The following MACROH2A1 variants were observed in gnomAD, a reference collection of about 807,000 sequenced individuals.
MACROH2A1 encodes core histone macro-H2A.1.
In MACROH2A1, 2 loss-of-function variants were observed where a neutral mutation model predicts 31.6. The observed-to-expected ratio is 0.06, with a 90% CI of 0.03 to 0.20. MACROH2A1 has a LOEUF of 0.20. Among genes scored for constraint, MACROH2A1 ranks in the 10% least tolerant of loss-of-function variants. The probability of loss-of-function intolerance (pLI) is 1.00; values close to 1 mark genes in which losing one functional copy is unlikely to be tolerated. For missense variants in MACROH2A1, 230 were observed against 474.0 expected, an observed-to-expected ratio of 0.49 and a Z score of 4.78; for synonymous variants, 169 against 189.6, an observed-to-expected ratio of 0.89 and a Z score of 0.89.
intron 4 of MACROH2A1, among the ~76,000 whole-genome samples, chr5:135,363,395 C>T (rs908021652): frequency 3.3e-5 from 5 of 152,186 alleles, no homozygotes; most frequent in Admixed American, 2.0e-4. Flanking sequence ...TGCTTAAGGT[C>T]GTTACAGTTG....
At chr5:135,375,603 C>A (rs911334539) in intron 2 of MACROH2A1, among the ~76,000 whole-genome samples, 2 of 152,154 alleles carry the variant, frequency 1.3e-5, no homozygotes, top group African/African-American at 4.8e-5. Flanking sequence ...TGAGGCTGAG[C>A]CAAACTCTAA....
At chr5:135,346,131 G>A (rs186820117) in intron 6 of MACROH2A1, 74 bp from the exon 7 acceptor site, 2 of 857,534 alleles carry the variant, frequency 2.3e-6, no homozygotes, top group Non-Finnish European at 4.1e-6. Context: ...CATGTCAGGT[G>A]ATTACATACT....
intron 4 of MACROH2A1, among the ~76,000 whole-genome samples, chr5:135,366,369 A>C (rs1421488428): frequency 6.6e-6 from 1 of 152,186 alleles, no homozygotes; most frequent in Non-Finnish European, 1.5e-5. Flanking sequence ...CAGTGAACAC[A>C]GGTGCCAGAC....
At chr5:135,383,334 G>A (rs999494717) in intron 2 of MACROH2A1, among the ~76,000 whole-genome samples, 5 of 152,306 alleles carry the variant, frequency 3.3e-5, no homozygotes, top group Admixed American at 6.5e-5. Flanking sequence ...CATCAATAGC[G>A]TATGTTAATA....
intron 5 of MACROH2A1, chr5:135,354,965 C>CT (rs1322286653): frequency 4.8e-6 from 2 of 413,654 alleles, no homozygotes; most frequent in African/African-American, 4.1e-5. Flanking sequence ...GATGTGTATG[C>CT]TTTTAAGGCA....
chr5:135,365,385 T>G (rs1763373364), intron 4 of MACROH2A1, among the ~76,000 whole-genome samples: 1 of 152,166 alleles, frequency 6.6e-6, no homozygotes, highest in South Asian at 2.1e-4. Context: ...AATACCTTAC[T>G]CTGCTGGGGC....
chr5:135,394,565 T>A (rs1443889824), intron 1 of MACROH2A1, among the ~76,000 whole-genome samples: 1 of 152,208 alleles, frequency 6.6e-6, no homozygotes, highest in East Asian at 1.9e-4. Flanking sequence ...TCCCTCAGGC[T>A]GCCCCTATTC....
chr5:135,375,255 G>A (rs1410139651), intron 2 of MACROH2A1, among the ~76,000 whole-genome samples: 1 of 152,160 alleles, frequency 6.6e-6, no homozygotes, highest in African/African-American at 2.4e-5. Context: ...CCTCTCCTCA[G>A]AGCTGCAAGC....
At chr5:135,351,845 G>A (rs1157857409) in intron 6 of MACROH2A1, among the ~76,000 whole-genome samples, 2 of 151,652 alleles carry the variant, frequency 1.3e-5, no homozygotes, top group Admixed American at 6.6e-5. Flanking sequence ...TTACAGGTGT[G>A]AGCCACTGCA....
At chr5:135,342,706 G>T (rs552679830) in intron 8 of MACROH2A1, among the ~76,000 whole-genome samples, 20 of 152,296 alleles carry the variant, frequency 1.3e-4, no homozygotes, top group Non-Finnish European at 2.2e-4. Context: ...GTTCCACCAG[G>T]TCCCATTACC....
chr5:135,395,545 G>A (rs1767853119), intron 1 of MACROH2A1, among the ~76,000 whole-genome samples: 1 of 152,132 alleles, frequency 6.6e-6, no homozygotes, highest in Non-Finnish European at 1.5e-5. Flanking sequence ...AATCACAAAG[G>A]CCAACCTGAG....
chr5:135,335,244 T>C, intron 8 of MACROH2A1, 103 bp from the exon 9 acceptor site: 1 of 844,562 alleles, frequency 1.2e-6, no homozygotes, highest in Admixed American at 2.1e-5. Flanking sequence ...GCTTGCCTTG[T>C]GTTGGGTCGG....
Position 135,369,644 on chromosome 5 carries a change from C to A in MACROH2A1, c.280-41G>T. The A allele has an allele frequency of 1.3e-6, 2 of 1,521,400 alleles. No homozygotes were observed. Among genetic ancestry groups the A allele is most frequent in the Non-Finnish European group, 1.8e-6 (2 of 1,097,478 alleles). The allele number at this position is 1,521,400 out of a possible 1,614,324, so 94.2% of individuals were successfully genotyped here. A position where few individuals can be genotyped will look rare whatever the true frequency, so the allele number is the denominator to read the frequency against. On this transcript the variant is annotated intron_variant, in intron 3 of 8. Coordinates refer to ENST00000511689, the MANE Select transcript of MACROH2A1 (RefSeq NM_138610.3). This position sits in a 1 kb window ranked among gnomAD's most constrained non-coding sequence, Gnocchi z 4.3. ...GAATAGCAGATAGTGAGCCAGATAC[C>A]CTGCTTCTAACCTTCAAGAAGCCAG...
At chr5:135,365,196 T>C (rs1198342040) in intron 4 of MACROH2A1, among the ~76,000 whole-genome samples, 4 of 152,230 alleles carry the variant, frequency 2.6e-5, no homozygotes, top group African/African-American at 7.2e-5. Context: ...AATCTTTATC[T>C]TGAGTAAGGG....
intron 2 of MACROH2A1, among the ~76,000 whole-genome samples, chr5:135,371,971 A>G (rs1237150684): frequency 6.6e-6 from 1 of 152,196 alleles, no homozygotes; most frequent in East Asian, 1.9e-4. Context: ...ACCCAATGCA[A>G]ATAACCTGCT....
At chr5:135,358,879 G>T in intron 5 of MACROH2A1, 1 of 984,976 alleles carries the variant, frequency 1.0e-6, no homozygotes, top group Non-Finnish European at 1.2e-6. Context: ...AGGAAGAGTT[G>T]AGTTGCTGAG....
In MACROH2A1 at chr5:135,339,121, A is replaced by G. The variant is rs1044618167; in HGVS notation, c.954-3980T>C. On this transcript the variant is annotated intron_variant, in intron 8 of 8. Coordinates refer to ENST00000511689, the MANE Select transcript of MACROH2A1 (RefSeq NM_138610.3). Reference sequence around the variant, plus strand: ...TCTGGAGTCAAGAGTTTCCTACACCATAGGGCTAGGACCTTAAGCAGACTA... The same window carrying G: ...TCTGGAGTCAAGAGTTTCCTACACCGTAGGGCTAGGACCTTAAGCAGACTA... Among the ~76,000 whole-genome samples the G allele has an allele frequency of 5.8e-4, 89 of 152,164 alleles. 6 individuals are homozygous for G. The highest frequency in any genetic ancestry group is 1.5e-5 in the Non-Finnish European group (1 of 68,028).
chr5:135,344,547 T>C (rs906832919), intron 7 of MACROH2A1: 1 of 152,172 alleles, frequency 6.6e-6, no homozygotes, highest in Non-Finnish European at 1.5e-5. Context: ...TTGAGAACTC[T>C]GGGCTGACCT....
intron 2 of MACROH2A1, among the ~76,000 whole-genome samples, chr5:135,378,222 G>A (rs1013559100): frequency 2.0e-4 from 30 of 152,314 alleles, no homozygotes; most frequent in Middle Eastern, 3.4e-3. Flanking sequence ...GCTCCTCAGG[G>A]CAGCTCTCTG....
Sources: allele counts gnomAD v4.1 joint callset (sites outside exome capture counted in the v4.1 genomes callset), GRCh38; gene constraint gnomAD v4.1.1; non-coding constraint Gnocchi (gnomAD v3.1); transcripts MANE v1.5; gene names NCBI Gene and HGNC (gene_info 2026-07-23, HGNC 2026-07-21).